Variants in PGCKA1 observed in about 807,000 individuals in gnomAD.
PGCKA1 encodes PDCD10 and GCKIII kinases associated 1.
the PGCKA1 span, among the ~76,000 whole-genome samples, chr4:37,501,935 G>C: frequency 2.6e-5 from 4 of 152,272 alleles, no homozygotes; most frequent in African/African-American, 9.6e-5. Flanking sequence ...TTGAGGGTTT[G>C]ACTGTGGTAT....
the PGCKA1 span, among the ~76,000 whole-genome samples, chr4:37,545,731 C>G: frequency 6.6e-6 from 1 of 152,186 alleles, no homozygotes; most frequent in Non-Finnish European, 1.5e-5. Flanking sequence ...TGTTTCAGCT[C>G]AGTAGGTTAA....
At chr4:37,535,846 A>G in the PGCKA1 span, among the ~76,000 whole-genome samples, 38 of 152,288 alleles carry the variant, frequency 2.5e-4, no homozygotes, top group African/African-American at 8.9e-4. Context: ...CTTTGGGCCC[A>G]GGCAGTAGAG....
At chr4:37,473,260 A>C in the PGCKA1 span, among the ~76,000 whole-genome samples, 4 of 152,166 alleles carry the variant, frequency 2.6e-5, no homozygotes, top group East Asian at 5.8e-4. Flanking sequence ...TAAATAAAAT[A>C]AAAATATTTA....
the PGCKA1 span, among the ~76,000 whole-genome samples, chr4:37,467,975 G>C: frequency 2.6e-5 from 4 of 152,152 alleles, no homozygotes; most frequent in Non-Finnish European, 5.9e-5. Context: ...TTCTCTCTCT[G>C]TCTTTCACAC....
At chr4:37,569,096 CAAAA>C in the PGCKA1 span, among the ~76,000 whole-genome samples, 1 of 146,220 alleles carries the variant, frequency 6.8e-6, no homozygotes, top group East Asian at 2.0e-4. Context: ...GACCCTGTCT[CAAAA>C]AAAAAGGGGG....
chr4:37,544,849 C>T, the PGCKA1 span, among the ~76,000 whole-genome samples: 1,042 of 146,930 alleles, frequency 7.1e-3, 6 homozygotes, highest in Middle Eastern at 0.049. Flanking sequence ...GTTTTTTTTT[C>T]TGTTTTTTGT....
chr4:37,532,322 A>T, the PGCKA1 span, among the ~76,000 whole-genome samples: 1 of 152,242 alleles, frequency 6.6e-6, no homozygotes, highest in East Asian at 1.9e-4. Context: ...TTAACAAATG[A>T]GTGTAATTCC....
the PGCKA1 span, among the ~76,000 whole-genome samples, chr4:37,505,656 A>G: frequency 1.3e-5 from 2 of 152,184 alleles, no homozygotes; most frequent in Admixed American, 6.5e-5. Flanking sequence ...ACTCCCCCTT[A>G]TATTACCATC....
At chr4:37,471,602 A>G in the PGCKA1 span, among the ~76,000 whole-genome samples, 17 of 152,214 alleles carry the variant, frequency 1.1e-4, no homozygotes, top group Non-Finnish European at 2.5e-4. Context: ...GGAACATTAA[A>G]TAATCCTTAA....
chr4:37,589,456 A>ATT, the PGCKA1 span, among the ~76,000 whole-genome samples: 49 of 152,214 alleles, frequency 3.2e-4, no homozygotes, highest in Non-Finnish European at 6.2e-4. Context: ...CTTCATATTT[A>ATT]TCATTTTAGT....
the PGCKA1 span, among the ~76,000 whole-genome samples, chr4:37,465,141 A>C: frequency 6.6e-6 from 1 of 152,058 alleles, no homozygotes; most frequent in Non-Finnish European, 1.5e-5. Flanking sequence ...TCCATTCTTC[A>C]TTTTGTGAAT....
the PGCKA1 span, among the ~76,000 whole-genome samples, chr4:37,551,035 A>G: frequency 6.6e-6 from 1 of 152,084 alleles, no homozygotes; most frequent in Non-Finnish European, 1.5e-5. Flanking sequence ...CAGTTACATG[A>G]TAGAGTTCCA....
chr4:37,569,978 CCT>C, the PGCKA1 span, among the ~76,000 whole-genome samples: 6 of 62,882 alleles, frequency 9.5e-5, no homozygotes, highest in African/African-American at 3.2e-4. Flanking sequence ...TGCATATAAT[CCT>C]TTTTTTTTTT....
At chr4:37,537,764 A>G in the PGCKA1 span, among the ~76,000 whole-genome samples, 2 of 152,204 alleles carry the variant, frequency 1.3e-5, no homozygotes, top group Non-Finnish European at 2.9e-5. Context: ...ACTCCATGAT[A>G]TATAATAAAT....
At chr4:37,516,043 A>G in the PGCKA1 span, among the ~76,000 whole-genome samples, 1 of 152,216 alleles carries the variant, frequency 6.6e-6, no homozygotes, top group Admixed American at 6.5e-5. Context: ...TAACCAACTG[A>G]TTGTAACACA....
At chr4:37,592,213 A>C in the PGCKA1 span, among the ~76,000 whole-genome samples, 2 of 148,420 alleles carry the variant, frequency 1.3e-5, no homozygotes, top group East Asian at 1.9e-4. Flanking sequence ...CATCTCAAAA[A>C]AAAAAAAAAA....
the PGCKA1 span, among the ~76,000 whole-genome samples, chr4:37,461,575 G>A: frequency 6.6e-6 from 1 of 152,024 alleles, no homozygotes; most frequent in African/African-American, 2.4e-5. Flanking sequence ...AACAGTGAAA[G>A]CTTGGACGCT....
At chr4:37,513,100 AAGAAAGAAAG>A in the PGCKA1 span, among the ~76,000 whole-genome samples, 21 of 37,464 alleles carry the variant, frequency 5.6e-4, no homozygotes, top group East Asian at 9.5e-3. Context: ...AAAAAAAAAA[AAGAAAGAAAG>A]AAAGAAAGAA....
the PGCKA1 span, among the ~76,000 whole-genome samples, chr4:37,458,563 C>G: frequency 6.6e-6 from 1 of 152,094 alleles, no homozygotes; most frequent in South Asian, 2.1e-4. Flanking sequence ...GGCCATGTCA[C>G]GTGGGGAGCA....
Sources: gnomAD v4.1 joint callset for allele counts (sites outside exome capture counted in the v4.1 genomes callset) on GRCh38, gnomAD v4.1.1 for gene constraint, MANE v1.5 for transcripts, NCBI Gene and HGNC (gene_info 2026-07-23, HGNC 2026-07-21) for gene names.